The following RLF variants were observed in gnomAD, a reference collection of about 807,000 sequenced individuals.
The protein encoded by RLF is zinc finger protein Rlf.
A neutral mutation model predicts 162.9 loss-of-function variants in RLF; 7 were observed. The ratio of observed to expected loss-of-function variants is 0.04; its 90% CI spans 0.02 to 0.08. The LOEUF (loss-of-function observed/expected upper bound fraction) is 0.08. RLF is among the 10% of genes least tolerant of loss of function. The pLI, the probability that RLF is intolerant of heterozygous loss-of-function variation, is 1.00. For missense variants in RLF, 1,664 were observed against 2,244.7 expected, an observed-to-expected ratio of 0.74 and a Z score of 5.23; for synonymous variants, 782 against 791.5, an observed-to-expected ratio of 0.99 and a Z score of 0.20.
intron 1 of RLF, among the ~76,000 whole-genome samples, chr1:40,167,173 G>T (rs1212972561): frequency 3.3e-5 from 5 of 152,142 alleles, no homozygotes; most frequent in Admixed American, 6.6e-5. Context: ...CTAGTATTGA[G>T]GAAGAGTAGT....
chr1:40,176,962 C>CT (rs1351842404), intron 1 of RLF, among the ~76,000 whole-genome samples: 1 of 151,146 alleles, frequency 6.6e-6, no homozygotes, highest in Non-Finnish European at 1.5e-5. Flanking sequence ...ATATTTCTTT[C>CT]TTTTTTATTT....
chr1:40,200,378 C>T (rs139039749), intron 4 of RLF, among the ~76,000 whole-genome samples: 4 of 151,938 alleles, frequency 2.6e-5, no homozygotes, highest in African/African-American at 4.8e-5. Context: ...GATTTATTCA[C>T]ATGTTTCAGA....
intron 1 of RLF, among the ~76,000 whole-genome samples, chr1:40,168,715 G>C (rs140859984): frequency 6.6e-6 from 1 of 151,906 alleles, no homozygotes; most frequent in African/African-American, 2.4e-5. Flanking sequence ...TGTTTTGGCC[G>C]TGCACGGTGG....
intron 1 of RLF, among the ~76,000 whole-genome samples, chr1:40,179,188 A>G (rs1428322325): frequency 1.3e-5 from 2 of 152,228 alleles, no homozygotes; most frequent in Non-Finnish European, 2.9e-5. Context: ...CAAAATGGGT[A>G]GTCAATTTCA....
Position 40,237,296 on chromosome 1 carries a change from A to T in RLF, c.2594A>T (p.His865Leu). ...PHLLNQTDKSHLPEDLFCAES... is the reference protein window; with the variant it reads ...PHLLNQTDKSLLPEDLFCAES... ...CTACTTAACCAAACTGATAAATCAC[A>T]TTTACCTGAAGATCTTTTCTGTGCA... The change falls in exon 8 of 8, where the codon CAT (histidine) becomes CTT (leucine). Residue 865 changes from histidine (H) to leucine (L), a missense_variant. Around this residue, in one of 15 missense-constraint regions of RLF, gnomAD observed 295 missense variants for 317.4 expected, o/e 0.93. Coordinates refer to ENST00000372771, the MANE Select transcript of RLF (RefSeq NM_012421.4). This position sits in a 1 kb window ranked among gnomAD's most constrained non-coding sequence, Gnocchi z 4.4. 6.2e-7 allele frequency: 1 copy of T among 1,614,112 alleles called. No individual in the cohort carries two copies. The highest frequency in any genetic ancestry group is 1.1e-5 in the South Asian group (1 of 91,074).
intron 4 of RLF, among the ~76,000 whole-genome samples, chr1:40,200,866 CTACACACACACACACA>C (rs1557748419): frequency 5.6e-5 from 6 of 107,740 alleles, no homozygotes; most frequent in Non-Finnish European, 1.1e-4. Flanking sequence ...CATTGCTACT[CTACACACACACACACA>C]CACACACACA....
chr1:40,168,720 C>T (rs1273055910), intron 1 of RLF, among the ~76,000 whole-genome samples: 5 of 151,888 alleles, frequency 3.3e-5, no homozygotes, highest in Non-Finnish European at 5.9e-5. Flanking sequence ...TGGCCGTGCA[C>T]GGTGGCTCTC....
intron 1 of RLF, among the ~76,000 whole-genome samples, chr1:40,166,730 C>T (rs1180052085): frequency 6.6e-6 from 1 of 151,914 alleles, no homozygotes. Context: ...TGGAAACCAT[C>T]ATTCTGAGCA....
At chr1:40,183,536 T>G (rs1237414103) in intron 1 of RLF, among the ~76,000 whole-genome samples, 2 of 152,184 alleles carry the variant, frequency 1.3e-5, no homozygotes, top group African/African-American at 4.8e-5. Flanking sequence ...ATGACACAAC[T>G]TGCTACAAAA....
chr1:40,193,634 T>C (rs1273109538), intron 3 of RLF, among the ~76,000 whole-genome samples: 2 of 152,194 alleles, frequency 1.3e-5, no homozygotes, highest in Admixed American at 6.5e-5. Context: ...GTCAAGCTGT[T>C]AAAGCAAAAT....
chr1:40,228,578 T>G (rs1173177840), intron 6 of RLF, among the ~76,000 whole-genome samples: 1 of 143,040 alleles, frequency 7.0e-6, no homozygotes, highest in East Asian at 2.0e-4. Context: ...GTGGACTCCA[T>G]CTCAAAAAAA....
chr1:40,209,877 T>TAA (rs76437844), intron 5 of RLF, among the ~76,000 whole-genome samples: 191 of 130,632 alleles, frequency 1.5e-3, no homozygotes, highest in African/African-American at 4.6e-3. Context: ...GACTCCGTCT[T>TAA]AAAAAAAAAA....
Position 40,239,158 on chromosome 1 carries a change from A to C in RLF, c.4456A>C (p.Arg1486=), listed in dbSNP as rs1367388570. Reference sequence around the variant, plus strand: ...TAGAAGCCAGAAAGTAGCAAATGAGAGACTACTAAGGAGTGAAAAGGTATG... The same window carrying C: ...TAGAAGCCAGAAAGTAGCAAATGAGCGACTACTAAGGAGTGAAAAGGTATG... ...LFRSQKVANE[R]LLRSEKVCQT... The change falls in exon 8 of 8, where the codon AGA becomes CGA. Residue 1486 remains arginine, a synonymous_variant. Coordinates refer to ENST00000372771, the MANE Select transcript of RLF (RefSeq NM_012421.4). The C allele has an allele frequency of 1.2e-6, 2 of 1,614,144 alleles. No homozygotes were observed. Among genetic ancestry groups the C allele is most frequent in the Admixed American group, 3.3e-5 (2 of 60,024 alleles).
At chr1:40,219,246 A>G (rs954955174) in intron 5 of RLF, among the ~76,000 whole-genome samples, 1 of 152,186 alleles carries the variant, frequency 6.6e-6, no homozygotes, top group South Asian at 2.1e-4. Flanking sequence ...CTTTTCCTCT[A>G]TATTCAAGAA....
Position 40,240,341 on chromosome 1 carries a change from A to G in RLF, c.5639A>G (p.His1880Arg), listed in dbSNP as rs1344314904. 1.2e-6 allele frequency: 2 copies of G among 1,614,226 alleles called. No individual in the cohort carries two copies. Among genetic ancestry groups the G allele is most frequent in the Non-Finnish European group, 1.7e-6 (2 of 1,180,030 alleles). ...DCGELALKQL[H>R]YLRPVVVLER... is the part of the protein sequence containing the mutation. ...GGAGAGCTTGCCTTAAAACAGCTTC[A>G]TTATCTTCGGCCAGTGGTGGTTCTT... The change falls in exon 8 of 8, where the codon CAT becomes CGT. Residue 1880 changes from histidine (H) to arginine (R), a missense_variant. By Grantham distance (29) the His-to-Arg change is conservative. This residue lies in a region of RLF where 27 missense variants were observed against 52.5 expected (regional missense o/e 0.51). Transcript: ENST00000372771.
At chr1:40,233,772 C>T (rs1481267541) in intron 7 of RLF, among the ~76,000 whole-genome samples, 1 of 152,138 alleles carries the variant, frequency 6.6e-6, no homozygotes, top group Non-Finnish European at 1.5e-5. Flanking sequence ...GGAGTTATCT[C>T]AATTGATTGT....
chr1:40,193,012 G>C (rs906749092), intron 3 of RLF, among the ~76,000 whole-genome samples: 1 of 150,294 alleles, frequency 6.7e-6, no homozygotes, highest in Non-Finnish European at 1.5e-5. Flanking sequence ...CTCCTGTTTT[G>C]ATGATCACCT....
intron 3 of RLF, 74 bp from the exon 4 acceptor site, chr1:40,195,558 T>C: frequency 8.2e-7 from 1 of 1,222,050 alleles, no homozygotes; most frequent in Non-Finnish European, 1.1e-6. Flanking sequence ...CCTAGGTGTA[T>C]CAGATATGTT....
intron 5 of RLF, among the ~76,000 whole-genome samples, chr1:40,212,186 C>CA (rs1353859041): frequency 6.6e-6 from 1 of 152,066 alleles, no homozygotes; most frequent in Non-Finnish European, 1.5e-5. Flanking sequence ...GGGGGTATCC[C>CA]AATAATAGGC....
Sources: gnomAD v4.1 joint callset for allele counts (sites outside exome capture counted in the v4.1 genomes callset) on GRCh38, gnomAD v4.1.1 for gene constraint, gnomAD v4.1.1 regional missense constraint, Gnocchi (gnomAD v3.1) non-coding constraint, MANE v1.5 for transcripts, NCBI Gene and HGNC (gene_info 2026-07-23, HGNC 2026-07-21) for gene names.